Variants in ERC2 observed in about 807,000 individuals in gnomAD.
The protein encoded by ERC2 is ERC protein 2.
ERC2 carries 42 observed loss-of-function variants against 114.8 expected under a neutral mutation model. The observed-to-expected ratio is 0.37, with a 90% CI of 0.29 to 0.47. The LOEUF is 0.47. Ranked by LOEUF, ERC2 falls within the 20% of genes least tolerant of loss-of-function variation. The pLI, the probability that ERC2 is intolerant of heterozygous loss-of-function variation, is 0.99. For synonymous variants in ERC2, 454 were observed against 425.5 expected, an observed-to-expected ratio of 1.07 and a Z score of -0.82; for missense variants, 939 against 1,150.7, an observed-to-expected ratio of 0.82 and a Z score of 2.66.
intron 13 of ERC2, among the ~76,000 whole-genome samples, chr3:55,912,699 A>G (rs1053257449): frequency 1.4e-5 from 2 of 143,492 alleles, no homozygotes; most frequent in African/African-American, 2.5e-5. Context: ...CTTGATTATG[A>G]ATCATGGGCT....
intron 14 of ERC2, among the ~76,000 whole-genome samples, chr3:55,875,211 C>A (rs1441364043): frequency 1.3e-5 from 2 of 152,182 alleles, no homozygotes; most frequent in Admixed American, 6.5e-5. Flanking sequence ...AAGAAAACTT[C>A]CAGAGGCAGA....
chr3:55,718,704 G>A (rs940593605), intron 15 of ERC2, among the ~76,000 whole-genome samples: 5 of 152,196 alleles, frequency 3.3e-5, no homozygotes, highest in Non-Finnish European at 1.5e-5. Context: ...ATGCTCAGCG[G>A]AGTTATTATT....
chr3:56,466,208 G>C (rs866997632), intron 1 of ERC2, among the ~76,000 whole-genome samples: 4 of 152,160 alleles, frequency 2.6e-5, no homozygotes, highest in Non-Finnish European at 4.4e-5. Flanking sequence ...TGACAAACCC[G>C]GCTTCTACAT....
At chr3:55,775,153 G>A (rs971388034) in intron 14 of ERC2, among the ~76,000 whole-genome samples, 12 of 152,118 alleles carry the variant, frequency 7.9e-5, no homozygotes, top group African/African-American at 2.4e-4. Flanking sequence ...AACTTCAGGG[G>A]AAAGGCCTTC....
chr3:55,875,947 G>A (rs1471849966), intron 14 of ERC2, among the ~76,000 whole-genome samples: 2 of 152,088 alleles, frequency 1.3e-5, no homozygotes, highest in African/African-American at 4.8e-5. Context: ...AAGGAAGAGA[G>A]GAAGGAAAAG....
intron 1 of ERC2, among the ~76,000 whole-genome samples, chr3:56,451,815 C>T (rs1477405210): frequency 6.6e-6 from 1 of 152,150 alleles, no homozygotes; most frequent in Non-Finnish European, 1.5e-5. Context: ...CAAAGCCTTC[C>T]ATTTAAAAGG....
chr3:55,714,229 A>C (rs1476159548), intron 15 of ERC2, among the ~76,000 whole-genome samples: 1 of 152,172 alleles, frequency 6.6e-6, no homozygotes, highest in African/African-American at 2.4e-5. Context: ...TGTTGGCAGG[A>C]TTTTAAGTTG....
At chr3:55,898,082 A>G (rs1175551689) in intron 13 of ERC2, among the ~76,000 whole-genome samples, 2 of 152,210 alleles carry the variant, frequency 1.3e-5, no homozygotes, top group Non-Finnish European at 2.9e-5. Context: ...ACTTCACACC[A>G]TAATAAAAGA....
At chr3:55,768,764 C>T (rs1264630819) in intron 14 of ERC2, among the ~76,000 whole-genome samples, 1 of 152,176 alleles carries the variant, frequency 6.6e-6, no homozygotes, top group Non-Finnish European at 1.5e-5. Flanking sequence ...AAGAAGGTGA[C>T]ATCAGATGGG....
chr3:56,405,887 CTT>C (rs72095902), intron 2 of ERC2, among the ~76,000 whole-genome samples: 5 of 85,204 alleles, frequency 5.9e-5, no homozygotes, highest in Non-Finnish European at 8.8e-5. Flanking sequence ...ACTTTTTTTT[CTT>C]TTTTTTTTTT....
Position 55,630,542 on chromosome 3 carries a change from A to T in ERC2, c.*39+53252T>A, listed in dbSNP as rs529885839. Among the ~76,000 whole-genome samples the T allele has an allele frequency of 3.9e-5, 6 of 152,284 alleles. No individual in the cohort carries two copies. The East Asian group carries it at 1.2e-3, about 29-fold the overall frequency. ...CCCTGACTGTGGGGAGAAAGGGGAG[A>T]TTACACTGGTACTTTTTGCAGATTA... On this transcript the variant is annotated intron_variant, in intron 17 of 17. Coordinates refer to ENST00000288221, the MANE Select transcript of ERC2 (RefSeq NM_015576.3).
chr3:56,051,688 T>C (rs950441539), intron 7 of ERC2, among the ~76,000 whole-genome samples: 1 of 152,024 alleles, frequency 6.6e-6, no homozygotes, highest in African/African-American at 2.4e-5. Context: ...TAGCCGGGTA[T>C]GGTGGTGTGT....
chr3:56,119,937 A>T (rs2079476858), intron 6 of ERC2, among the ~76,000 whole-genome samples: 1 of 152,218 alleles, frequency 6.6e-6, no homozygotes, highest in African/African-American at 2.4e-5. Context: ...TGGGAAATAA[A>T]AGTACCAAAG....
chr3:55,910,423 A>G (rs2064734366), intron 13 of ERC2, among the ~76,000 whole-genome samples: 1 of 152,084 alleles, frequency 6.6e-6, no homozygotes, highest in Non-Finnish European at 1.5e-5. Context: ...AAAAAACAAA[A>G]CAAAACAAAA....
At position 55,549,266 on chromosome 3, in the gene ERC2, G is replaced by T. The variant is rs946282574; in HGVS notation, c.*40-37990C>A. Among the ~76,000 whole-genome samples, 15 of 152,046 alleles carry T rather than the reference G, an allele frequency of 9.9e-5. No individual in the cohort carries two copies. The East Asian group carries it at 1.7e-3, about 18-fold the overall frequency. Reference sequence around the variant, plus strand: ...GGTTCCACCAGTAGCCTGTGAGGACGAAATGAGGTCCCTCCTGCAAAAAAA... The same window carrying T: ...GGTTCCACCAGTAGCCTGTGAGGACTAAATGAGGTCCCTCCTGCAAAAAAA... On this transcript the variant is annotated intron_variant, in intron 17 of 17. Transcript: ENST00000288221.
intron 2 of ERC2, among the ~76,000 whole-genome samples, chr3:56,313,810 G>A (rs1426283189): frequency 6.6e-6 from 1 of 152,214 alleles, no homozygotes; most frequent in Non-Finnish European, 1.5e-5. Flanking sequence ...CCAAGAGGAA[G>A]AAGAGTTGCT....
chr3:56,097,989 T>C (rs1013391958), intron 6 of ERC2, among the ~76,000 whole-genome samples: 5 of 152,124 alleles, frequency 3.3e-5, no homozygotes, highest in African/African-American at 4.8e-5. Context: ...GCTTTAACAA[T>C]TACCAATTTT....
chr3:55,782,832 T>C (rs1316361015), intron 14 of ERC2, among the ~76,000 whole-genome samples: 2 of 152,204 alleles, frequency 1.3e-5, no homozygotes, highest in Non-Finnish European at 1.5e-5. Context: ...AGCTTGGAAA[T>C]AGCCACTGAC....
chr3:56,405,098 C>T (rs891289577), intron 2 of ERC2, among the ~76,000 whole-genome samples: 1 of 151,942 alleles, frequency 6.6e-6, no homozygotes, highest in African/African-American at 2.4e-5. Context: ...AGAAACTAGG[C>T]AGAAAGGGCC....
Sources: allele counts gnomAD v4.1 joint callset (sites outside exome capture counted in the v4.1 genomes callset), GRCh38; gene constraint gnomAD v4.1.1; transcripts MANE v1.5; gene names NCBI Gene and HGNC (gene_info 2026-07-23, HGNC 2026-07-21).